The following TCERG1 variants were observed in gnomAD, a reference collection of about 807,000 sequenced individuals.
TCERG1 encodes TATA box binding protein (TBP)-associated factor, RNA polymerase II, S, 150kD.
A neutral mutation model predicts 144.7 loss-of-function variants in TCERG1; 37 were observed. The ratio of observed to expected loss-of-function variants is 0.26; its 90% CI spans 0.20 to 0.34. The LOEUF is 0.34. Ranked by LOEUF, TCERG1 falls within the 10% of genes least tolerant of loss-of-function variation. The pLI is 1.00. For missense variants in TCERG1, 1,027 were observed against 1,380.7 expected, an observed-to-expected ratio of 0.74 and a Z score of 4.06; for synonymous variants, 492 against 458.2, an observed-to-expected ratio of 1.07 and a Z score of -0.94.
chr5:146,482,849 A>C, intron 14 of TCERG1, 122 bp downstream of exon 14: 1 of 1,292,852 alleles, frequency 7.7e-7, no homozygotes, highest in Non-Finnish European at 1.0e-6. Flanking sequence ...GGGATTTTTA[A>C]AATTACTGTA....
intron 9 of TCERG1, among the ~76,000 whole-genome samples, chr5:146,477,193 T>A (rs1764920067): frequency 6.6e-6 from 1 of 152,148 alleles, no homozygotes; most frequent in Admixed American, 6.5e-5. Flanking sequence ...TTTTTGTAGT[T>A]TATATTTCAT....
At chr5:146,483,886 A>G (rs752152191) in intron 15 of TCERG1, among the ~76,000 whole-genome samples, 1 of 151,996 alleles carries the variant, frequency 6.6e-6, no homozygotes, top group Non-Finnish European at 1.5e-5. Flanking sequence ...TATGTGTAGT[A>G]TGGTTTTAAA....
intron 1 of TCERG1, among the ~76,000 whole-genome samples, chr5:146,447,709 C>T (rs964105975): frequency 3.3e-5 from 5 of 152,354 alleles, no homozygotes; most frequent in Middle Eastern, 3.4e-3. Context: ...TTGGGCCCCG[C>T]CTCAGCCGCG....
chr5:146,459,168 TCAGGTCCAGGCC>T lies in TCERG1; in HGVS notation c.735_746del (p.Val251_Gln254del). The T allele has an allele frequency of 2.6e-5, 42 of 1,611,584 alleles. No individual in the cohort carries two copies. Among genetic ancestry groups the T allele is most frequent in the South Asian group, 2.0e-4 (18 of 91,010 alleles). ...CACAAGCTCAGGCCCAGGCCCAGGCTCAGGTCCAGGCCCAGGTCCAGGCACAAGTGCAAGCAC... is the reference window on the plus strand; with the variant it reads ...CACAAGCTCAGGCCCAGGCCCAGGCTCAGGTCCAGGCACAAGTGCAAGCAC... On this transcript the variant is annotated inframe_deletion, in exon 4 of 23. Coordinates refer to ENST00000679501, the MANE Select transcript of TCERG1 (RefSeq NM_001382548.1).
intron 19 of TCERG1, among the ~76,000 whole-genome samples, chr5:146,504,988 G>A (rs1057478695): frequency 6.6e-6 from 1 of 151,730 alleles, no homozygotes; most frequent in Non-Finnish European, 1.5e-5. Context: ...GGAGGCTGCC[G>A]TGAGCCGAGA....
intron 22 of TCERG1, 35 bp from the exon 23 acceptor site, chr5:146,510,406 G>A: frequency 1.3e-6 from 2 of 1,489,642 alleles, no homozygotes; most frequent in African/African-American, 1.4e-5. Flanking sequence ...GTGAACAGCA[G>A]TCAGTAATTC....
chr5:146,480,376 AAGTT>A (rs1175508908), intron 12 of TCERG1: 10 of 214,166 alleles, frequency 4.7e-5, no homozygotes, highest in Non-Finnish European at 9.4e-5. Flanking sequence ...ATTTTATGAA[AAGTT>A]AGTTTCCTCC....
Position 146,503,417 on chromosome 5 carries a change from G to A in TCERG1, c.2476G>A (p.Asp826Asn). The stretch of plus-strand genomic sequence containing the variant: ...TGAACTATTATCTAATCATCACTTG[G>A]ACAGTCAGTCTCGATGGAGCAAAGT... ...FFELLSNHHL[D>N]SQSRWSKVKD... Residue 826 changes from aspartate to asparagine, a missense_variant, in exon 18 of 23, where the codon GAC becomes AAC. Coordinates refer to ENST00000679501, the MANE Select transcript of TCERG1 (RefSeq NM_001382548.1). 6.2e-7 allele frequency: 1 copy of A among 1,613,538 alleles called. No individual in the cohort carries two copies. The highest frequency in any genetic ancestry group is 8.5e-7 in the Non-Finnish European group (1 of 1,179,794).
At chr5:146,483,660 T>TATATCTCTTGC (rs139255630) in intron 15 of TCERG1, 31 bp downstream of exon 15, 97,171 of 1,510,612 alleles carry the variant, frequency 0.064, 3,735 homozygotes, top group Middle Eastern at 0.11. Context: ...ACTAAGAATG[T>TATATCTCTTGC]ATATCTCTTG....
chr5:146,459,178 G>A lies in TCERG1; in HGVS notation c.733G>A (p.Ala245Thr). Residue 245 changes from alanine (A) to threonine (T), a missense_variant, in exon 4 of 23, where the codon GCC (alanine) becomes ACC (threonine). This residue lies in a region of TCERG1 where 187 missense variants were observed against 169.1 expected (regional missense o/e 1.11). Coordinates refer to ENST00000679501, the MANE Select transcript of TCERG1 (RefSeq NM_001382548.1). Reference sequence around the variant, plus strand: ...GGCCCAGGCCCAGGCTCAGGTCCAGGCCCAGGTCCAGGCACAAGTGCAAGC... The same window carrying A: ...GGCCCAGGCCCAGGCTCAGGTCCAGACCCAGGTCCAGGCACAAGTGCAAGC... ...AQAQAQAQVQ[A>T]QVQAQVQAQA... The A allele has an allele frequency of 1.2e-6, 2 of 1,614,008 alleles. No homozygotes were observed. Among genetic ancestry groups the A allele is most frequent in the Non-Finnish European group, 1.7e-6 (2 of 1,179,924 alleles).
intron 1 of TCERG1, 147 bp downstream of exon 1, chr5:146,447,555 A>C: frequency 9.4e-7 from 1 of 1,061,274 alleles, no homozygotes; most frequent in Non-Finnish European, 1.3e-6. Flanking sequence ...AAGAAGGGGG[A>C]AGGGGAAGGT....
At position 146,489,550 on chromosome 5, in the gene TCERG1, T is replaced by C. The variant is rs151056412; in HGVS notation, c.2164-3370T>C. ...TTGAATCAGTGTGAAATTAAAAATATGAGAATCAAATAATGGAGACTTACT... is the reference window on the plus strand; with the variant it reads ...TTGAATCAGTGTGAAATTAAAAATACGAGAATCAAATAATGGAGACTTACT... On this transcript the variant is annotated intron_variant, in intron 15 of 22. Coordinates refer to ENST00000679501, the MANE Select transcript of TCERG1 (RefSeq NM_001382548.1). 2.5e-4 allele frequency among the ~76,000 whole-genome samples: 38 copies of C among 152,256 alleles called. 1 individual carries two copies. In the East Asian group the frequency reaches 6.4e-3, roughly 25 times the overall value.
intron 15 of TCERG1, among the ~76,000 whole-genome samples, chr5:146,484,449 T>G (rs1356350603): frequency 6.6e-6 from 1 of 152,206 alleles, no homozygotes; most frequent in Non-Finnish European, 1.5e-5. Context: ...TTTCATTTGG[T>G]AACAGTAGTG....
intron 1 of TCERG1, among the ~76,000 whole-genome samples, chr5:146,453,153 C>G (rs1413410488): frequency 6.6e-6 from 1 of 152,044 alleles, no homozygotes; most frequent in Non-Finnish European, 1.5e-5. Flanking sequence ...TACTTATTTG[C>G]TTAAATGCTG....
In TCERG1 at chr5:146,511,060, A is replaced by C. The variant is rs1768424364; in HGVS notation, c.*418A>C. ...GTTTTGTTTTGATTTTTTTTTTTTA[A>C]AGCGGGTAAAAGAGAAAACACTGAA... On this transcript the variant is annotated 3_prime_UTR_variant, in exon 23 of 23. Coordinates refer to ENST00000679501, the MANE Select transcript of TCERG1 (RefSeq NM_001382548.1). The C allele has an allele frequency of 6.5e-6, 1 of 153,350 alleles. No homozygotes were observed. The highest frequency in any genetic ancestry group is 2.4e-5 in the African/African-American group (1 of 41,436). 9.5% of individuals were successfully genotyped at this position (153,350 alleles called of 1,614,324 possible).
At chr5:146,480,119 G>A (rs1461846883) in intron 12 of TCERG1, 25 bp downstream of exon 12, 1 of 1,532,298 alleles carries the variant, frequency 6.5e-7, no homozygotes, top group Non-Finnish European at 8.9e-7. Flanking sequence ...CGATTTGATT[G>A]AGGTAGATTA....
chr5:146,457,361 G>A (rs778231668), intron 3 of TCERG1, 26 bp downstream of exon 3: 1 of 1,576,340 alleles, frequency 6.3e-7, no homozygotes, highest in Admixed American at 1.8e-5. Context: ...TATTTAAGTT[G>A]TCATTTGTTG....
intron 16 of TCERG1, among the ~76,000 whole-genome samples, chr5:146,495,905 A>G (rs894310435): frequency 6.6e-6 from 1 of 152,210 alleles, no homozygotes; most frequent in Non-Finnish European, 1.5e-5. Context: ...CTGTAATCCC[A>G]GCACTTTGGG....
chr5:146,464,989 G>T (rs1763650358), intron 5 of TCERG1, among the ~76,000 whole-genome samples: 1 of 151,992 alleles, frequency 6.6e-6, no homozygotes, highest in Non-Finnish European at 1.5e-5. Flanking sequence ...TGTTGATGTA[G>T]TGTTAGATAA....
Sources: allele counts gnomAD v4.1 joint callset (sites outside exome capture counted in the v4.1 genomes callset), GRCh38; gene constraint gnomAD v4.1.1; regional missense constraint gnomAD v4.1.1; transcripts MANE v1.5; gene names NCBI Gene and HGNC (gene_info 2026-07-23, HGNC 2026-07-21).